Variants in GALNT13 observed in about 807,000 individuals in gnomAD.
GALNT13 encodes the protein UDP-GalNAc:polypeptide N-acetylgalactosaminyltransferase 13.
Under a neutral mutation model 64.2 loss-of-function variants are expected in GALNT13, and 28 were observed. The ratio of observed to expected loss-of-function variants is 0.44; its 90% CI spans 0.32 to 0.60. The LOEUF is 0.60. GALNT13 is among the 20% of genes least tolerant of loss of function. The pLI is 0.05. For synonymous variants in GALNT13, 214 were observed against 224.6 expected (o/e 0.95, Z 0.42); for missense variants, 577 against 669.8 (o/e 0.86, Z 1.53).
chr2:153,672,637 A>T, the GALNT13 span, among the ~76,000 whole-genome samples: 7 of 152,222 alleles, frequency 4.6e-5, no homozygotes, highest in Admixed American at 4.6e-4. Flanking sequence ...ATCACAATTA[A>T]AAGAACTAGA....
the GALNT13 span, among the ~76,000 whole-genome samples, chr2:153,706,606 C>T: frequency 2.0e-5 from 3 of 152,302 alleles, no homozygotes; most frequent in South Asian, 6.2e-4. Context: ...CAGGAACAGA[C>T]TCAGTTGGTT....
At position 154,288,234 on chromosome 2, in the gene GALNT13, C is replaced by T. The variant is rs561767492; in HGVS notation, c.976-13175C>T. ...ATGAGACTTACTATCACAAGAACAG[C>T]AGCATGGGGGTAACCACCCCCATGA... On this transcript the variant is annotated intron_variant, in intron 8 of 12. Coordinates refer to ENST00000392825, the MANE Select transcript of GALNT13 (RefSeq NM_052917.4). 4.3e-4 allele frequency among the ~76,000 whole-genome samples: 65 copies of T among 152,144 alleles called. 1 individual carries two copies. Among genetic ancestry groups the T allele is most frequent in the Non-Finnish European group, 4.0e-4 (27 of 67,990 alleles).
intron 3 of GALNT13, among the ~76,000 whole-genome samples, chr2:153,968,284 C>G (rs1461506990): frequency 1.3e-5 from 2 of 152,176 alleles, no homozygotes. Context: ...CCTCTCAGAC[C>G]CAGTGGTGTT....
the GALNT13 span, among the ~76,000 whole-genome samples, chr2:153,633,400 G>C: frequency 6.6e-6 from 1 of 152,012 alleles, no homozygotes; most frequent in Non-Finnish European, 1.5e-5. Context: ...TTCCCATTCA[G>C]TTTACTCCCT....
intron 4 of GALNT13, among the ~76,000 whole-genome samples, chr2:154,170,639 T>G (rs1685296328): frequency 6.6e-6 from 1 of 152,172 alleles, no homozygotes; most frequent in African/African-American, 2.4e-5. Context: ...CACTGCCATG[T>G]GAAACCTGGG....
intron 9 of GALNT13, among the ~76,000 whole-genome samples, chr2:154,339,857 G>C (rs536634101): frequency 2.0e-4 from 31 of 152,194 alleles, no homozygotes; most frequent in African/African-American, 7.5e-4. Context: ...TTTGCAGTGA[G>C]TGGCTGGAAA....
chr2:154,314,602 G>A (rs1694230115), intron 9 of GALNT13, among the ~76,000 whole-genome samples: 1 of 152,130 alleles, frequency 6.6e-6, no homozygotes, highest in South Asian at 2.1e-4. Context: ...CACTCACGGT[G>A]GAAGGTAAAG....
Position 154,234,839 on chromosome 2 carries a change from T to C in GALNT13, c.312-7191T>C, listed in dbSNP as rs182899117. On this transcript the variant is annotated intron_variant, in intron 4 of 12. Transcript: ENST00000392825. ...TAGATTCTGGAGAGGCAGAGATAAATAAGGTGAACCTTCCTTCTGTTCTAC... is the reference window on the plus strand; with the variant it reads ...TAGATTCTGGAGAGGCAGAGATAAACAAGGTGAACCTTCCTTCTGTTCTAC... Among the ~76,000 whole-genome samples, 7 of 152,158 alleles carry C rather than the reference T, an allele frequency of 4.6e-5. No individual in the cohort carries two copies. In the East Asian group the frequency reaches 1.4e-3, roughly 30 times the overall value.
the GALNT13 span, among the ~76,000 whole-genome samples, chr2:153,196,733 G>T: frequency 1.2e-4 from 19 of 152,094 alleles, no homozygotes; most frequent in Admixed American, 4.6e-4. Flanking sequence ...CTGGTGGGTG[G>T]CTCGTCCTGA....
At chr2:153,168,237 G>C in the GALNT13 span, among the ~76,000 whole-genome samples, 2 of 152,126 alleles carry the variant, frequency 1.3e-5, no homozygotes, top group South Asian at 4.1e-4. Context: ...ATAGAACAGA[G>C]ACTATTTCTA....
At chr2:153,817,446 C>T in the GALNT13 span, among the ~76,000 whole-genome samples, 1 of 152,330 alleles carries the variant, frequency 6.6e-6, no homozygotes, top group Non-Finnish European at 1.5e-5. Context: ...CCCCCACCAT[C>T]TCCCAGGTGA....
At chr2:153,577,431 TC>T in the GALNT13 span, among the ~76,000 whole-genome samples, 2 of 152,050 alleles carry the variant, frequency 1.3e-5, no homozygotes, top group Non-Finnish European at 1.5e-5. Flanking sequence ...ATTAAAAAAA[TC>T]CCCTTAGTTT....
chr2:154,254,982 ATAT>A (rs931102940), intron 7 of GALNT13, among the ~76,000 whole-genome samples: 46 of 152,258 alleles, frequency 3.0e-4, no homozygotes, highest in African/African-American at 1.0e-3. Flanking sequence ...CCACAAAATA[ATAT>A]TATAATGGTA....
At chr2:154,367,817 G>A (rs1366151748) in intron 9 of GALNT13, among the ~76,000 whole-genome samples, 3 of 152,152 alleles carry the variant, frequency 2.0e-5, no homozygotes, top group Non-Finnish European at 2.9e-5. Flanking sequence ...GACAGGCATA[G>A]ATAAAGAATT....
At chr2:153,347,682 T>C in the GALNT13 span, among the ~76,000 whole-genome samples, 7 of 152,136 alleles carry the variant, frequency 4.6e-5, no homozygotes, top group Non-Finnish European at 7.4e-5. Context: ...ATAGGAGTCA[T>C]ACATGTTCAT....
the GALNT13 span, among the ~76,000 whole-genome samples, chr2:153,651,440 G>A: frequency 2.6e-5 from 4 of 152,126 alleles, no homozygotes; most frequent in South Asian, 2.1e-4. Flanking sequence ...AATGGCTTGG[G>A]GCAGTATAGA....
At chr2:153,458,443 A>G in the GALNT13 span, among the ~76,000 whole-genome samples, 6 of 151,970 alleles carry the variant, frequency 3.9e-5, no homozygotes, top group African/African-American at 1.4e-4. Context: ...TGTGTCTAAT[A>G]AACTCCCTCC....
chr2:153,948,169 T>G (rs1450239461), intron 3 of GALNT13, among the ~76,000 whole-genome samples: 2 of 152,084 alleles, frequency 1.3e-5, no homozygotes, highest in African/African-American at 4.8e-5. Context: ...TTGGGCTTTT[T>G]TTGGTTTCAT....
intron 8 of GALNT13, among the ~76,000 whole-genome samples, chr2:154,279,014 T>C (rs1392336693): frequency 6.6e-6 from 1 of 152,096 alleles, no homozygotes; most frequent in African/African-American, 2.4e-5. Context: ...TGCGGTGATA[T>C]CTAAAAAGAA....
Sources: gnomAD v4.1 joint callset for allele counts (sites outside exome capture counted in the v4.1 genomes callset) on GRCh38, gnomAD v4.1.1 for gene constraint, MANE v1.5 for transcripts, NCBI Gene and HGNC (gene_info 2026-07-23, HGNC 2026-07-21) for gene names.